Variants in MMP26 observed in about 807,000 individuals in gnomAD.
MMP26 encodes the protein matrix metallopeptidase 26.
MMP26 carries 33 observed loss-of-function variants against 31.0 expected under a neutral mutation model. That is an observed-to-expected ratio of 1.06 (90% CI 0.81 to 1.42). The LOEUF is 1.42. Among genes scored for constraint, MMP26 ranks in the 40% most tolerant of loss-of-function variants. The probability of loss-of-function intolerance (pLI) is 0.00; values close to 1 mark genes in which losing one functional copy is unlikely to be tolerated. For missense variants in MMP26, 347 were observed against 316.1 expected, an observed-to-expected ratio of 1.10 and a Z score of -0.74; for synonymous variants, 122 against 114.9, an observed-to-expected ratio of 1.06 and a Z score of -0.40.
chr11:4,800,710 A>T (rs1477187961), intron 2 of MMP26, among the ~76,000 whole-genome samples: 1 of 152,078 alleles, frequency 6.6e-6, no homozygotes, highest in African/African-American at 2.4e-5. Flanking sequence ...CCAAATGTTT[A>T]TGCTCTCCTT....
chr11:4,900,956 T>C, intron 2 of MMP26, among the ~76,000 whole-genome samples: 1 of 152,130 alleles, frequency 6.6e-6, no homozygotes, highest in East Asian at 1.9e-4. Flanking sequence ...CACTCCTTAA[T>C]GGATCAGTAA....
intron 2 of MMP26, chr11:4,786,714 G>A (rs1394384111): frequency 3.3e-5 from 5 of 152,014 alleles, no homozygotes; most frequent in Non-Finnish European, 7.3e-5. Flanking sequence ...TGCTCAGTAT[G>A]GGTGCTCAAT....
intron 2 of MMP26, among the ~76,000 whole-genome samples, chr11:4,843,971 C>A (rs1849832376): frequency 1.3e-5 from 2 of 151,854 alleles, no homozygotes; most frequent in South Asian, 4.1e-4. Flanking sequence ...CACAAATGAT[C>A]AATAAAACAA....
intron 2 of MMP26, chr11:4,914,994 C>A: frequency 1.2e-6 from 2 of 1,614,034 alleles, no homozygotes; most frequent in Non-Finnish European, 1.7e-6. Flanking sequence ...AGGATCAGAG[C>A]ATAAGAGAAG....
At chr11:4,939,323 A>G (rs1358235796) in intron 2 of MMP26, among the ~76,000 whole-genome samples, 1 of 152,152 alleles carries the variant, frequency 6.6e-6, no homozygotes, top group Non-Finnish European at 1.5e-5. Flanking sequence ...TTCAGGCTAC[A>G]CTTCACTTAT....
At chr11:4,769,223 G>C (rs1276636318) in intron 2 of MMP26, 1 of 1,613,740 alleles carries the variant, frequency 6.2e-7, no homozygotes, top group East Asian at 2.2e-5. Context: ...TTCTTCAGGG[G>C]AGGCAATTCT....
intron 2 of MMP26, among the ~76,000 whole-genome samples, chr11:4,959,004 C>A (rs747293382): frequency 6.6e-6 from 1 of 151,758 alleles, no homozygotes; most frequent in African/African-American, 2.4e-5. Flanking sequence ...TTTGGGAGGC[C>A]GAGGCGGGCA....
At chr11:4,941,240 T>C (rs1846201803) in intron 2 of MMP26, among the ~76,000 whole-genome samples, 1 of 152,216 alleles carries the variant, frequency 6.6e-6, no homozygotes, top group African/African-American at 2.4e-5. Context: ...AGATTCTCTT[T>C]GTAACAAGAA....
chr11:4,771,172 G>A (rs1400352861), intron 2 of MMP26, among the ~76,000 whole-genome samples: 1 of 152,130 alleles, frequency 6.6e-6, no homozygotes, highest in East Asian at 1.9e-4. Flanking sequence ...GTTTATAAAC[G>A]GAGGTTAAAA....
At chr11:4,841,145 A>G (rs1418279681) in intron 2 of MMP26, among the ~76,000 whole-genome samples, 1 of 152,188 alleles carries the variant, frequency 6.6e-6, no homozygotes, top group Non-Finnish European at 1.5e-5. Flanking sequence ...AGAATAAAAA[A>G]CAACAAAGCG....
rs561263596 is a variant in MMP26, at chr11:4,962,741, A to G, written c.-144-25327A>G. On this transcript the variant is annotated intron_variant, in intron 2 of 7. Coordinates refer to ENST00000380390, the MANE Select transcript of MMP26 (RefSeq NM_021801.5). ...GGACTTCGATCCTGCATTTACATAC[A>G]TTGTTGGACTTTTTGACAAGTTGGG... Among the ~76,000 whole-genome samples the G allele has an allele frequency of 5.9e-5, 9 of 152,276 alleles. No homozygotes were observed. The South Asian group carries it at 1.0e-3, about 18-fold the overall frequency.
At chr11:4,735,394 C>G (rs112582115) in intron 1 of MMP26, among the ~76,000 whole-genome samples, 24 of 152,108 alleles carry the variant, frequency 1.6e-4, no homozygotes, top group African/African-American at 5.1e-4. Context: ...GTGTGTGTAC[C>G]TCACTGTTTA....
intron 2 of MMP26, among the ~76,000 whole-genome samples, chr11:4,935,323 A>G (rs1423460500): frequency 6.6e-6 from 1 of 151,518 alleles, no homozygotes; most frequent in African/African-American, 2.4e-5. Context: ...TAGGTATTTT[A>G]TTCTCTTTGA....
chr11:4,794,045 G>A (rs547887000), intron 2 of MMP26: 2 of 152,272 alleles, frequency 1.3e-5, no homozygotes, highest in Admixed American at 6.5e-5. Context: ...AGCCTGCAAT[G>A]TCTGATATCT....
intron 2 of MMP26, among the ~76,000 whole-genome samples, chr11:4,866,965 C>A (rs1850243881): frequency 6.6e-6 from 1 of 151,870 alleles, no homozygotes; most frequent in African/African-American, 2.4e-5. Flanking sequence ...ATGTAAAGCC[C>A]CAAATTTAAA....
At chr11:4,762,865 G>A (rs183485325) in intron 1 of MMP26, among the ~76,000 whole-genome samples, 1 of 152,262 alleles carries the variant, frequency 6.6e-6, no homozygotes, top group African/African-American at 2.4e-5. Context: ...ACTAATAACT[G>A]TAGCTCAAAG....
At chr11:4,749,866 C>G (rs1848426588) in intron 1 of MMP26, among the ~76,000 whole-genome samples, 2 of 152,060 alleles carry the variant, frequency 1.3e-5, no homozygotes, top group African/African-American at 4.8e-5. Context: ...GGACATTTGC[C>G]TTGGCAAGGA....
chr11:4,847,457 T>G (rs923787296), intron 2 of MMP26: 1 of 150,694 alleles, frequency 6.6e-6, no homozygotes, highest in African/African-American at 2.4e-5. Flanking sequence ...TATGCAAAAA[T>G]TTAAAAAATT....
At chr11:4,881,114 T>C (rs1850455282) in intron 2 of MMP26, among the ~76,000 whole-genome samples, 2 of 152,152 alleles carry the variant, frequency 1.3e-5, no homozygotes, top group Admixed American at 1.3e-4. Flanking sequence ...AAAACCTTGA[T>C]AAATTTAGGC....
Sources: gnomAD v4.1 joint callset for allele counts (sites outside exome capture counted in the v4.1 genomes callset) on GRCh38, gnomAD v4.1.1 for gene constraint, MANE v1.5 for transcripts, NCBI Gene and HGNC (gene_info 2026-07-23, HGNC 2026-07-21) for gene names.